INTS9: variants seen among roughly 807,000 people sequenced by gnomAD.
INTS9 encodes protein related to CPSF subunits of 74 kDa.
INTS9 carries 55 observed loss-of-function variants against 79.7 expected under a neutral mutation model. The observed-to-expected ratio is 0.69, with a 90% CI of 0.56 to 0.86. The LOEUF (loss-of-function observed/expected upper bound fraction) is 0.86, where lower values mean the gene tolerates loss of function less well. INTS9 is among the 40% of genes least tolerant of loss of function. The probability of loss-of-function intolerance (pLI) is 0.00; values close to 1 mark genes in which losing one functional copy is unlikely to be tolerated. For missense variants in INTS9, 721 were observed against 831.5 expected, an observed-to-expected ratio of 0.87 and a Z score of 1.64; for synonymous variants, 319 against 325.2, an observed-to-expected ratio of 0.98 and a Z score of 0.20.
chr8:28,810,917 A>G (rs1363819915), intron 8 of INTS9, among the ~76,000 whole-genome samples: 1 of 152,050 alleles, frequency 6.6e-6, no homozygotes, highest in Non-Finnish European at 1.5e-5. Flanking sequence ...ATTCCTCCTC[A>G]CAGCCTGCTA....
At chr8:28,819,450 T>G (rs1805695006) in intron 6 of INTS9, among the ~76,000 whole-genome samples, 2 of 152,334 alleles carry the variant, frequency 1.3e-5, no homozygotes, top group African/African-American at 4.8e-5. Flanking sequence ...AGTTTCCATG[T>G]AGTTGAGCGG....
At chr8:28,781,136 A>G in intron 11 of INTS9, 142 bp from the exon 12 acceptor site, 1 of 642,000 alleles carries the variant, frequency 1.6e-6, no homozygotes, top group Non-Finnish European at 2.7e-6. Context: ...TACCTGCAAA[A>G]GTCACACCTG....
intron 1 of INTS9, among the ~76,000 whole-genome samples, chr8:28,863,208 T>A (rs1166190260): frequency 6.6e-6 from 1 of 152,226 alleles, no homozygotes. Context: ...AGTTCCCATT[T>A]TGCTGGTCTG....
intron 1 of INTS9, among the ~76,000 whole-genome samples, chr8:28,886,208 TA>T (rs1032929613): frequency 6.6e-6 from 1 of 152,104 alleles, no homozygotes; most frequent in Admixed American, 6.6e-5. Flanking sequence ...TCCTCAAACT[TA>T]AAAAAAATTT....
At chr8:28,828,178 T>C (rs1806263397) in intron 6 of INTS9, among the ~76,000 whole-genome samples, 1 of 152,224 alleles carries the variant, frequency 6.6e-6, no homozygotes, top group Non-Finnish European at 1.5e-5. Context: ...AAAAGGAGAT[T>C]GAGTCTGAGA....
intron 6 of INTS9, among the ~76,000 whole-genome samples, chr8:28,831,255 C>A (rs1357874128): frequency 6.6e-6 from 1 of 152,076 alleles, no homozygotes; most frequent in Non-Finnish European, 1.5e-5. Flanking sequence ...GGGAGCTGAA[C>A]GAGAACACAT....
intron 6 of INTS9, among the ~76,000 whole-genome samples, chr8:28,833,960 G>C (rs1806655704): frequency 6.6e-6 from 1 of 152,138 alleles, no homozygotes; most frequent in Admixed American, 6.5e-5. Context: ...GGATTGTTAA[G>C]GACTTCCCCA....
rs1785664387 is a variant in INTS9 at position 28,767,675 on chromosome 8, G to A, written c.*471C>T. ...AGGACAGCTAATTATATAAAAATAA[G>A]TGTTTATTAACAAATGGGCTCAGAG... On this transcript the variant is annotated 3_prime_UTR_variant, in exon 17 of 17. Coordinates refer to ENST00000521022, the MANE Select transcript of INTS9 (RefSeq NM_018250.4). 1 of 163,700 alleles carries A rather than the reference G, an allele frequency of 6.1e-6. No homozygotes were observed. The highest frequency in any genetic ancestry group is 2.4e-5 in the African/African-American group (1 of 41,550). 10.1% of individuals were successfully genotyped at this position (163,700 alleles called of 1,614,324 possible).
intron 8 of INTS9, among the ~76,000 whole-genome samples, chr8:28,801,502 CAAACA>C (rs1804520808): frequency 1.5e-5 from 1 of 65,068 alleles, no homozygotes; most frequent in South Asian, 3.2e-4. Context: ...AACAAACAAA[CAAACA>C]AAAAAACAAA....
At chr8:28,884,166 ATCTTTTTTTTTTTTTTTTTTTTT>A (rs1810049491) in intron 1 of INTS9, among the ~76,000 whole-genome samples, 1 of 70,104 alleles carries the variant, frequency 1.4e-5, no homozygotes, top group South Asian at 5.6e-4. Context: ...TCATCAGTGT[ATCTTTTTTTTTTTTTTTTTTTTT>A]TTTTTTTTTG....
intron 1 of INTS9, among the ~76,000 whole-genome samples, chr8:28,870,215 T>C (rs926664526): frequency 6.6e-6 from 1 of 152,050 alleles, no homozygotes; most frequent in Non-Finnish European, 1.5e-5. Context: ...ACCAAACTGA[T>C]TGAAGTGGTT....
intron 11 of INTS9, chr8:28,783,877 AGAT>A (rs1222348284): frequency 6.6e-6 from 1 of 152,238 alleles, no homozygotes; most frequent in Non-Finnish European, 1.5e-5. Flanking sequence ...TAAGATGTCA[AGAT>A]GATGAATGTG....
At chr8:28,834,865 C>T (rs1254891700) in intron 6 of INTS9, among the ~76,000 whole-genome samples, 4 of 152,066 alleles carry the variant, frequency 2.6e-5, no homozygotes, top group African/African-American at 4.8e-5. Context: ...TTCATAGAGA[C>T]GGGGTTTCTC....
At chr8:28,850,079 C>T in intron 3 of INTS9, 134 bp downstream of exon 3, 1 of 635,008 alleles carries the variant, frequency 1.6e-6, no homozygotes, top group Admixed American at 2.5e-5. Flanking sequence ...AAGACCCTAG[C>T]ATAGATCTTG....
intron 1 of INTS9, among the ~76,000 whole-genome samples, chr8:28,870,057 C>A (rs369850830): frequency 1.1e-3 from 167 of 152,076 alleles, no homozygotes; most frequent in African/African-American, 3.5e-3. Flanking sequence ...GGGCTGCCTT[C>A]GGAACCAACA....
At chr8:28,825,292 G>A (rs1434794464) in intron 6 of INTS9, among the ~76,000 whole-genome samples, 3 of 152,196 alleles carry the variant, frequency 2.0e-5, no homozygotes, top group Non-Finnish European at 4.4e-5. Flanking sequence ...AGCAGGGACC[G>A]TGATGGATAA....
chr8:28,835,429 C>A, intron 5 of INTS9, 51 bp from the exon 6 acceptor site: 1 of 1,325,260 alleles, frequency 7.5e-7, no homozygotes, highest in Non-Finnish European at 1.1e-6. Flanking sequence ...ATTAGAGAAA[C>A]ACCCCATACT....
intron 4 of INTS9, among the ~76,000 whole-genome samples, chr8:28,842,054 C>G (rs746748687): frequency 3.9e-5 from 6 of 152,160 alleles, no homozygotes; most frequent in Non-Finnish European, 8.8e-5. Context: ...TGCCATCACA[C>G]TTCACGCTGG....
At chr8:28,852,019 G>A (rs1290167798) in intron 2 of INTS9, among the ~76,000 whole-genome samples, 1 of 152,046 alleles carries the variant, frequency 6.6e-6, no homozygotes, top group Admixed American at 6.6e-5. Flanking sequence ...AGGAGTTTGA[G>A]CCCAGCCTGG....
Sources: allele counts gnomAD v4.1 joint callset (sites outside exome capture counted in the v4.1 genomes callset), GRCh38; gene constraint gnomAD v4.1.1; transcripts MANE v1.5; gene names NCBI Gene and HGNC (gene_info 2026-07-23, HGNC 2026-07-21).